Variants in SLCO1B1 observed in about 807,000 individuals in gnomAD.
SLCO1B1 encodes the protein OATP-2.
Under a neutral mutation model 70.1 loss-of-function variants are expected in SLCO1B1, and 81 were observed. That is an observed-to-expected ratio of 1.16 (90% CI 0.97 to 1.39). SLCO1B1 has a LOEUF of 1.39. SLCO1B1 is among the 40% of genes most tolerant of loss of function. The pLI, the probability that SLCO1B1 is intolerant of heterozygous loss-of-function variation, is 0.00. For synonymous variants in SLCO1B1, 283 were observed against 271.5 expected, an observed-to-expected ratio of 1.04 and a Z score of -0.42; for missense variants, 895 against 799.6, an observed-to-expected ratio of 1.12 and a Z score of -1.44.
Position 21,239,211 on chromosome 12 carries a change from T to C in SLCO1B1, c.*22T>C. On this transcript the variant is annotated 3_prime_UTR_variant, in exon 15 of 15. Transcript: ENST00000256958. ...TTAAGGGGAGAAAAAAAGCCACTTCTGCTTCTGTGTTTCCAAACAGCATTG... is the reference window on the plus strand; with the variant it reads ...TTAAGGGGAGAAAAAAAGCCACTTCCGCTTCTGTGTTTCCAAACAGCATTG... 1 of 1,519,688 alleles carries C rather than the reference T, an allele frequency of 6.6e-7. No homozygotes were observed. The allele number at this position is 1,519,688 out of a possible 1,614,324, so 94.1% of individuals were successfully genotyped here. A position where few individuals can be genotyped will look rare whatever the true frequency, so the allele number is the denominator to read the frequency against.
intron 11 of SLCO1B1, among the ~76,000 whole-genome samples, chr12:21,216,868 T>C (rs1212705559): frequency 6.6e-6 from 1 of 152,162 alleles, no homozygotes; most frequent in Non-Finnish European, 1.5e-5. Flanking sequence ...AGGCACTAAT[T>C]TCTTTGTTTC....
At chr12:21,139,234 A>G (rs923395815) in intron 1 of SLCO1B1, among the ~76,000 whole-genome samples, 1 of 152,124 alleles carries the variant, frequency 6.6e-6, no homozygotes, top group Non-Finnish European at 1.5e-5. Flanking sequence ...GAAGAAAGAG[A>G]TAGAAACAGA....
intron 11 of SLCO1B1, among the ~76,000 whole-genome samples, chr12:21,207,581 T>C (rs747338750): frequency 2.8e-4 from 43 of 152,046 alleles, no homozygotes; most frequent in Non-Finnish European, 5.2e-4. Flanking sequence ...CTATTGTGAA[T>C]AGAGCTGTGA....
At chr12:21,196,524 G>A (rs1941093452) in intron 7 of SLCO1B1, among the ~76,000 whole-genome samples, 1 of 152,140 alleles carries the variant, frequency 6.6e-6, no homozygotes, top group Admixed American at 6.6e-5. Flanking sequence ...TGACTCAGTA[G>A]ATTTCTTGCA....
chr12:21,235,548 A>G (rs555325584), intron 14 of SLCO1B1, among the ~76,000 whole-genome samples: 1 of 150,964 alleles, frequency 6.6e-6, no homozygotes, highest in South Asian at 2.1e-4. Flanking sequence ...TTACATTCAA[A>G]GTTAATATTG....
chr12:21,218,110 A>T lies in SLCO1B1; in HGVS notation c.1682+807A>T, dbSNP rs1430361981. Among the ~76,000 whole-genome samples the T allele has an allele frequency of 3.3e-5, 5 of 152,208 alleles. No homozygotes were observed. In the East Asian group the frequency reaches 9.6e-4, roughly 29 times the overall value. On this transcript the variant is annotated intron_variant, in intron 12 of 14. Coordinates refer to ENST00000256958, the MANE Select transcript of SLCO1B1 (RefSeq NM_006446.5). ...TAACATTTATTCTAAAGGTCTAAAG[A>T]AAAAGCCAAATGAAAGGGTTTCCAG... is the stretch of plus-strand genomic sequence containing the variant.
In SLCO1B1 at chr12:21,174,728, A is replaced by AAC; in HGVS notation, c.359+20_359+21insCA. 2 of 1,608,264 alleles carry AAC rather than the reference A, an allele frequency of 1.2e-6. No individual in the cohort carries two copies. Among genetic ancestry groups the AAC allele is most frequent in the Non-Finnish European group, 1.7e-6 (2 of 1,178,754 alleles). ...TGGGATAGTAAGTGTTAAAAAAAAA[A>AAC]AAAACCTCTGTGCCACTATCAGTAC... is the stretch of plus-strand genomic sequence containing the variant. On this transcript the variant is annotated intron_variant, in intron 4 of 14. Transcript: ENST00000256958.
intron 5 of SLCO1B1, among the ~76,000 whole-genome samples, chr12:21,177,975 G>A (rs1052766106): frequency 6.6e-6 from 1 of 152,058 alleles, no homozygotes; most frequent in African/African-American, 2.4e-5. Context: ...TATATGTTTT[G>A]TGCAAATCTA....
intron 9 of SLCO1B1, among the ~76,000 whole-genome samples, chr12:21,202,090 T>C (rs2121148861): frequency 6.6e-6 from 1 of 152,222 alleles, no homozygotes; most frequent in East Asian, 1.9e-4. Flanking sequence ...ACCATCATTC[T>C]CAGCAAACTA....
intron 11 of SLCO1B1, among the ~76,000 whole-genome samples, chr12:21,211,468 T>G (rs1277682154): frequency 1.3e-5 from 2 of 152,272 alleles, no homozygotes; most frequent in Non-Finnish European, 2.9e-5. Context: ...TTTGCCAGTA[T>G]TTTATTGAGG....
At chr12:21,226,311 G>A (rs1941481921) in intron 14 of SLCO1B1, among the ~76,000 whole-genome samples, 1 of 151,954 alleles carries the variant, frequency 6.6e-6, no homozygotes, top group African/African-American at 2.4e-5. Context: ...CTACTTGGGA[G>A]GCTAAAGCAC....
At chr12:21,163,041 A>T (rs1940641402) in intron 2 of SLCO1B1, among the ~76,000 whole-genome samples, 1 of 151,858 alleles carries the variant, frequency 6.6e-6, no homozygotes, top group Non-Finnish European at 1.5e-5. Flanking sequence ...TGAATAAATT[A>T]ACTAGGAAAA....
chr12:21,217,959 A>G (rs188335346), intron 12 of SLCO1B1, among the ~76,000 whole-genome samples: 3 of 152,300 alleles, frequency 2.0e-5, no homozygotes, highest in African/African-American at 7.2e-5. Context: ...GCACATATTT[A>G]TAAATTGTTC....
chr12:21,165,348 A>G (rs902120439), intron 2 of SLCO1B1, among the ~76,000 whole-genome samples: 1 of 152,078 alleles, frequency 6.6e-6, no homozygotes, highest in African/African-American at 2.4e-5. Context: ...GAAAATAGAC[A>G]TTTATCAAGG....
At chr12:21,230,107 T>G (rs941956438) in intron 14 of SLCO1B1, among the ~76,000 whole-genome samples, 26 of 152,140 alleles carry the variant, frequency 1.7e-4, no homozygotes, top group Admixed American at 3.3e-4. Context: ...CTTTTCTAGA[T>G]CTATTGATGT....
chr12:21,224,701 T>C, intron 13 of SLCO1B1, 21 bp from the exon 14 acceptor site: 1 of 1,324,250 alleles, frequency 7.6e-7, no homozygotes, highest in Non-Finnish European at 1.1e-6. Flanking sequence ...TAAACTGACA[T>C]CTTCTCTTCT....
At chr12:21,216,345 T>C (rs1941357500) in intron 11 of SLCO1B1, among the ~76,000 whole-genome samples, 1 of 152,156 alleles carries the variant, frequency 6.6e-6, no homozygotes, top group Non-Finnish European at 1.5e-5. Flanking sequence ...TCTTCTACAA[T>C]TCTTCCTTCA....
intron 2 of SLCO1B1, among the ~76,000 whole-genome samples, chr12:21,163,649 C>G (rs1209067553): frequency 2.0e-5 from 3 of 152,076 alleles, no homozygotes. Context: ...CTTCTGGTGA[C>G]AGTTCTCTTC....
intron 2 of SLCO1B1, among the ~76,000 whole-genome samples, chr12:21,153,830 CTA>C (rs1321383133): frequency 6.6e-6 from 1 of 151,762 alleles, no homozygotes. Context: ...AATGATGTTT[CTA>C]TGTCTATTTG....
Sources: allele counts gnomAD v4.1 joint callset (sites outside exome capture counted in the v4.1 genomes callset), GRCh38; gene constraint gnomAD v4.1.1; transcripts MANE v1.5; gene names NCBI Gene and HGNC (gene_info 2026-07-23, HGNC 2026-07-21).